INPP1: variants seen among roughly 807,000 people sequenced by gnomAD.
INPP1 encodes the protein inositol polyphosphate-1-phosphatase.
A neutral mutation model predicts 23.0 loss-of-function variants in INPP1; 18 were observed. That is an observed-to-expected ratio of 0.78 (90% CI 0.54 to 1.16). INPP1 has a LOEUF of 1.16. Ranked by LOEUF, INPP1 falls within the 50% of genes most tolerant of loss-of-function variation. The probability of loss-of-function intolerance (pLI) is 0.00; values close to 1 mark genes in which losing one functional copy is unlikely to be tolerated. For synonymous variants in INPP1, 164 were observed against 176.3 expected (o/e 0.93, Z 0.55); for missense variants, 448 against 482.1 (o/e 0.93, Z 0.66).
chr2:190,345,673 T>C lies in INPP1; in HGVS notation c.-209+1712T>C, dbSNP rs1575781241. ...TCTTGTAATGAAGTTAATAAAACTA[T>C]GTTAATGTGTTTGGCTGAGAGCTTA... On this transcript the variant is annotated intron_variant, in intron 1 of 6. Transcript: ENST00000392329. The surrounding 1 kb of genome is among the most constrained non-coding windows in gnomAD (Gnocchi z 4.9). 6.6e-6 allele frequency: 1 copy of C among 152,242 alleles called. No individual in the cohort carries two copies. The highest frequency in any genetic ancestry group is 6.5e-5 in the Admixed American group (1 of 15,282). 9.4% of individuals were successfully genotyped at this position (152,242 alleles called of 1,614,324 possible).
At chr2:190,369,072 T>G in intron 5 of INPP1, 31 bp from the exon 6 acceptor site, 1 of 1,424,232 alleles carries the variant, frequency 7.0e-7, no homozygotes, top group Non-Finnish European at 9.6e-7. Context: ...GATCTTTACC[T>G]GAATCCAAAC....
At chr2:190,348,627 G>A (rs771789216) in intron 1 of INPP1, among the ~76,000 whole-genome samples, 6 of 152,222 alleles carry the variant, frequency 3.9e-5, no homozygotes, top group Non-Finnish European at 5.9e-5. Context: ...TCATACAAGT[G>A]GAATCATAGA....
rs1036948221 is a variant in INPP1 at position 190,354,352 on chromosome 2, G to A, written c.-65+5321G>A. 6.6e-6 allele frequency among the ~76,000 whole-genome samples: 1 copy of A among 152,012 alleles called. No homozygotes were observed. Among genetic ancestry groups the A allele is most frequent in the Non-Finnish European group, 1.5e-5 (1 of 68,016 alleles). ...TAAGGTAACCACGGCCTGTCTTTCA[G>A]GAGAGGTTTTAGGGGCTAAATTATG... On this transcript the variant is annotated intron_variant, in intron 2 of 6. Transcript: ENST00000392329. This position sits in a 1 kb window ranked among gnomAD's most constrained non-coding sequence, Gnocchi z 4.8.
intron 2 of INPP1, 153 bp from the exon 3 acceptor site, chr2:190,359,886 A>G: frequency 1.9e-6 from 1 of 520,182 alleles, no homozygotes; most frequent in Non-Finnish European, 3.5e-6. Context: ...GATTGTATCT[A>G]GAGTCTTCCA....
chr2:190,362,752 TTATAC>T, intron 4 of INPP1, 65 bp downstream of exon 4: 3 of 1,075,360 alleles, frequency 2.8e-6, no homozygotes, highest in South Asian at 1.5e-5. Context: ...AGTCTCTAGT[TTATAC>T]CATGAACTAA....
At chr2:190,347,423 A>C (rs147485997) in intron 1 of INPP1, among the ~76,000 whole-genome samples, 61 of 152,270 alleles carry the variant, frequency 4.0e-4, no homozygotes, top group African/African-American at 1.4e-3. Context: ...AAGAAATAGA[A>C]TATTAAATAC....
chr2:190,351,207 G>C (rs927577262), intron 2 of INPP1, among the ~76,000 whole-genome samples: 1 of 152,232 alleles, frequency 6.6e-6, no homozygotes, highest in Non-Finnish European at 1.5e-5. Context: ...CTGGGATAGA[G>C]ATTTGGCCCA....
chr2:190,348,216 T>A (rs891600223), intron 1 of INPP1, among the ~76,000 whole-genome samples: 1 of 152,206 alleles, frequency 6.6e-6, no homozygotes, highest in Non-Finnish European at 1.5e-5. Flanking sequence ...CTAGTGCCCT[T>A]CTTTAAACCT....
At chr2:190,348,392 G>A (rs902422745) in intron 1 of INPP1, among the ~76,000 whole-genome samples, 1 of 151,910 alleles carries the variant, frequency 6.6e-6, no homozygotes, top group Non-Finnish European at 1.5e-5. Flanking sequence ...TGTGGTAAAA[G>A]ATATCTAATA....
chr2:190,349,298 G>A (rs1433663442), intron 2 of INPP1, among the ~76,000 whole-genome samples: 6 of 152,150 alleles, frequency 3.9e-5, no homozygotes, highest in Admixed American at 3.3e-4. Flanking sequence ...TTAGCCAGGT[G>A]TGGTGGCATG....
chr2:190,362,471 GT>G (rs1333691691), intron 3 of INPP1, among the ~76,000 whole-genome samples, 155 bp from the exon 4 acceptor site: 2 of 151,932 alleles, frequency 1.3e-5, no homozygotes, highest in Non-Finnish European at 2.9e-5. Flanking sequence ...AGTTGACTTC[GT>G]TTTTTTATAC....
In INPP1 at chr2:190,345,599, T is replaced by C. The variant is rs964779920; in HGVS notation, c.-209+1638T>C. The stretch of plus-strand genomic sequence containing the variant: ...AGGTGAGGATGGTGTATATAAGCAC[T>C]TTTTCCCGATGTGAGTCCTTATGAA... On this transcript the variant is annotated intron_variant, in intron 1 of 6. Transcript: ENST00000392329. The surrounding 1 kb of genome is among the most constrained non-coding windows in gnomAD (Gnocchi z 4.9). 6.6e-6 allele frequency: 1 copy of C among 152,244 alleles called. No homozygotes were observed. Among genetic ancestry groups the C allele is most frequent in the African/African-American group, 2.4e-5 (1 of 41,466 alleles). 9.4% of individuals were successfully genotyped at this position (152,244 alleles called of 1,614,324 possible). A position where few individuals can be genotyped will look rare whatever the true frequency, so the allele number is the denominator to read the frequency against.
chr2:190,371,481 TTGTCCTGTTGC>T lies in INPP1; in HGVS notation c.*82_*92del. 1 of 1,114,330 alleles carries T rather than the reference TTGTCCTGTTGC, an allele frequency of 9.0e-7. No individual in the cohort carries two copies. Among genetic ancestry groups the T allele is most frequent in the East Asian group, 2.6e-5 (1 of 39,022 alleles). 69.0% of individuals were successfully genotyped at this position (1,114,330 alleles called of 1,614,324 possible). On this transcript the variant is annotated 3_prime_UTR_variant, in exon 7 of 7. Transcript: ENST00000392329. The surrounding 1 kb of genome is among the most constrained non-coding windows in gnomAD (Gnocchi z 5.3). ...TTATCTCTGTCTTTTGAGGATGGCTTTGTCCTGTTGCTGGTTAACATTCACCTTCCTCTTTT... is the reference window on the plus strand; with the variant it reads ...TTATCTCTGTCTTTTGAGGATGGCTTTGGTTAACATTCACCTTCCTCTTTT...
At position 190,346,975 on chromosome 2, in the gene INPP1, C is replaced by T. The variant is rs138603968; in HGVS notation, c.-208-1913C>T. On this transcript the variant is annotated intron_variant, in intron 1 of 6. Transcript: ENST00000392329. The surrounding 1 kb of genome is among the most constrained non-coding windows in gnomAD (Gnocchi z 5.1). ...CCTGATTAAATAATTATAGGCAAGA[C>T]AGGCATGCAAATTTGAATACCTTAT... 6.4e-3 allele frequency among the ~76,000 whole-genome samples: 959 copies of T among 149,712 alleles called. 9 individuals carry two copies. Among genetic ancestry groups the T allele is most frequent in the African/African-American group, 0.022 (910 of 40,722 alleles).
Position 190,368,230 on chromosome 2 carries a change from G to T in INPP1, c.467-873G>T, listed in dbSNP as rs1427276009. ...TGTTTTTGAGCTCTTTGAGTCTTTT[G>T]CCAGGCACATCCTTAGCCGTGTGTT... On this transcript the variant is annotated intron_variant, in intron 5 of 6. Transcript: ENST00000392329. This position sits in a 1 kb window ranked among gnomAD's most constrained non-coding sequence, Gnocchi z 4.3. Among the ~76,000 whole-genome samples, 1 of 152,098 alleles carries T rather than the reference G, an allele frequency of 6.6e-6. No homozygotes were observed. Among genetic ancestry groups the T allele is most frequent in the African/African-American group, 2.4e-5 (1 of 41,390 alleles).
chr2:190,358,775 G>A (rs1287164962), intron 2 of INPP1, among the ~76,000 whole-genome samples: 1 of 152,112 alleles, frequency 6.6e-6, no homozygotes, highest in Admixed American at 6.6e-5. Context: ...CTAATTGCAG[G>A]AAAGCCCCAA....
Position 190,366,791 on chromosome 2 carries a change from T to C in INPP1, c.362T>C (p.Leu121Ser), listed in dbSNP as rs1689686445. ...GGTAACAAGGTGGCATCTGAAGCAT[T>C]AGCCAGGGTTGTTCATCAGGATGTT... is the stretch of plus-strand genomic sequence containing the variant. ...LNGNKVASEA[L>S]ARVVHQDVAF... The change falls in exon 5 of 7, where the codon TTA becomes TCA. Residue 121 changes from leucine to serine, a missense_variant. Leu to Ser is a moderately radical substitution (Grantham distance 145, BLOSUM62 -2). Transcript: ENST00000392329. 1 of 1,613,158 alleles carries C rather than the reference T, an allele frequency of 6.2e-7. No individual in the cohort carries two copies. The highest frequency in any genetic ancestry group is 1.3e-5 in the African/African-American group (1 of 75,016).
chr2:190,366,474 G>A (rs570895060), intron 4 of INPP1, among the ~76,000 whole-genome samples: 404 of 138,334 alleles, frequency 2.9e-3, no homozygotes, highest in Non-Finnish European at 3.6e-3. Context: ...TCTGTCTCTC[G>A]CTCTTTTGCT....
intron 4 of INPP1, among the ~76,000 whole-genome samples, chr2:190,364,694 G>A (rs958450173): frequency 1.4e-5 from 2 of 138,690 alleles, no homozygotes; most frequent in African/African-American, 5.5e-5. Context: ...AAATTCAAGC[G>A]ATTCTCCTGC....
Sources: gnomAD v4.1 joint callset for allele counts (sites outside exome capture counted in the v4.1 genomes callset) on GRCh38, gnomAD v4.1.1 for gene constraint, Gnocchi (gnomAD v3.1) non-coding constraint, MANE v1.5 for transcripts, NCBI Gene and HGNC (gene_info 2026-07-23, HGNC 2026-07-21) for gene names.